The following AGR3 variants were observed in gnomAD, a reference collection of about 807,000 sequenced individuals.
AGR3 encodes anterior gradient protein 3.
In AGR3, 37 loss-of-function variants were observed where a neutral mutation model predicts 24.5. The ratio of observed to expected loss-of-function variants is 1.51; its 90% confidence interval spans 1.16 to 1.99. The LOEUF is 1.99. AGR3 is among the 30% of genes most tolerant of loss of function. AGR3 has a pLI of 0.00. For missense variants in AGR3, 228 were observed against 191.1 expected, an observed-to-expected ratio of 1.19 and a Z score of -1.14; for synonymous variants, 75 against 61.6, an observed-to-expected ratio of 1.22 and a Z score of -1.02.
At chr7:16,862,961 C>T (rs1257990051) in intron 3 of AGR3, among the ~76,000 whole-genome samples, 4 of 152,214 alleles carry the variant, frequency 2.6e-5, no homozygotes, top group Non-Finnish European at 5.9e-5. Context: ...GTCCCAGCTG[C>T]TCTGGAGGCT....
intron 2 of AGR3, among the ~76,000 whole-genome samples, chr7:16,877,061 G>A (rs892306165): frequency 2.6e-5 from 4 of 151,816 alleles, no homozygotes; most frequent in African/African-American, 9.7e-5. Context: ...TTGACTTTCT[G>A]TATATATAGA....
At chr7:16,870,837 C>A (rs1296265308) in intron 3 of AGR3, among the ~76,000 whole-genome samples, 2 of 152,056 alleles carry the variant, frequency 1.3e-5, no homozygotes, top group Admixed American at 6.6e-5. Flanking sequence ...AAGTGAGATT[C>A]TTCTGTAGAC....
At chr7:16,871,468 A>C (rs1197952510) in intron 3 of AGR3, among the ~76,000 whole-genome samples, 2 of 152,200 alleles carry the variant, frequency 1.3e-5, no homozygotes, top group African/African-American at 2.4e-5. Flanking sequence ...TACAAAATCA[A>C]CATGCAAAAC....
downstream of AGR3, among the ~76,000 whole-genome samples, chr7:16,856,802 T>C (rs993138823): frequency 2.7e-5 from 4 of 150,068 alleles, no homozygotes; most frequent in Non-Finnish European, 5.9e-5. Flanking sequence ...ATTATACACA[T>C]ACACACACAC....
chr7:16,866,438 T>C (rs952052211), intron 3 of AGR3: 24 of 260,590 alleles, frequency 9.2e-5, no homozygotes, highest in African/African-American at 4.7e-4. Flanking sequence ...CATGCTGTTG[T>C]TTTAAAAAAT....
intron 1 of AGR3, among the ~76,000 whole-genome samples, chr7:16,881,133 G>A (rs184389463): frequency 5.9e-5 from 9 of 152,264 alleles, no homozygotes; most frequent in African/African-American, 2.2e-4. Context: ...AGACAAGCAG[G>A]TGGAATCTGC....
chr7:16,868,745 T>C (rs1205301578), intron 3 of AGR3, among the ~76,000 whole-genome samples: 1 of 152,146 alleles, frequency 6.6e-6, no homozygotes, highest in African/African-American at 2.4e-5. Flanking sequence ...TGTCTGGGTA[T>C]ATAGAATGAT....
downstream of AGR3, among the ~76,000 whole-genome samples, chr7:16,858,205 G>C (rs1482457040): frequency 1.3e-5 from 2 of 151,944 alleles, no homozygotes; most frequent in Non-Finnish European, 2.9e-5. Flanking sequence ...CCAGGGGCTA[G>C]TTAGTCTCGA....
intron 3 of AGR3, among the ~76,000 whole-genome samples, chr7:16,867,260 A>C (rs1416093920): frequency 6.6e-6 from 1 of 152,174 alleles, no homozygotes; most frequent in African/African-American, 2.4e-5. Flanking sequence ...AACTTCTGAC[A>C]CTAATTATTA....
At chr7:16,864,757 C>A (rs1781720645) in intron 3 of AGR3, 3 of 1,257,516 alleles carry the variant, frequency 2.4e-6, no homozygotes, top group Non-Finnish European at 3.5e-6. Flanking sequence ...AAAACTTGAT[C>A]CTTCTCCTTG....
At position 16,859,602 on chromosome 7, in the gene AGR3, G is replaced by C. The variant is rs533057923; in HGVS notation, c.481C>G (p.Leu161Val). ...ATCTCTTATAGCTCTGACTGAATAA[G>C]TCTTAATGCTTTCTTCATGTTTTCT... ...LIENMKKALR[L>V]IQSEL Residue 161 changes from leucine (L) to valine (V), a missense_variant, in exon 8 of 8, where the codon CTT (leucine) becomes GTT (valine). Coordinates refer to ENST00000310398, the MANE Select transcript of AGR3 (RefSeq NM_176813.5). 2 of 1,553,242 alleles carry C rather than the reference G, an allele frequency of 1.3e-6. No individual in the cohort carries two copies. The highest frequency in any genetic ancestry group is 4.5e-5 in the East Asian group (2 of 43,998).
chr7:16,869,018 T>C (rs1781813705), intron 3 of AGR3, among the ~76,000 whole-genome samples: 1 of 152,244 alleles, frequency 6.6e-6, no homozygotes. Context: ...GTATCTTCTC[T>C]TGCTGTTTGA....
chr7:16,878,674 C>T, intron 1 of AGR3, 29 bp from the exon 2 acceptor site: 2 of 1,432,086 alleles, frequency 1.4e-6, no homozygotes, highest in Non-Finnish European at 2.0e-6. Flanking sequence ...TTCTCAGAAT[C>T]CAGTGAATTA....
At chr7:16,861,950 A>G (rs1187996744) in intron 5 of AGR3, 34 bp downstream of exon 5, 1 of 1,463,694 alleles carries the variant, frequency 6.8e-7, no homozygotes, top group Non-Finnish European at 9.4e-7. Context: ...CCATGAAATT[A>G]TAGTATTAAG....
intron 2 of AGR3, among the ~76,000 whole-genome samples, chr7:16,874,244 C>T (rs1438015267): frequency 6.6e-6 from 1 of 152,112 alleles, no homozygotes; most frequent in Non-Finnish European, 1.5e-5. Flanking sequence ...CAATGCCCTC[C>T]TATTTTGGGT....
At position 16,870,515 on chromosome 7, in the gene AGR3, T is replaced by C. The variant is rs749125663; in HGVS notation, c.173+3265A>G. On this transcript the variant is annotated intron_variant, in intron 3 of 7. Transcript: ENST00000310398. ...TCCCAGTAAGCATAATGTTGGTTTTTTGTTGTTGTTGCTACTGTTGGAATG... is the reference window on the plus strand; with the variant it reads ...TCCCAGTAAGCATAATGTTGGTTTTCTGTTGTTGTTGCTACTGTTGGAATG... 2.0e-5 allele frequency among the ~76,000 whole-genome samples: 3 copies of C among 152,098 alleles called. No homozygotes were observed. The East Asian group carries it at 5.8e-4, about 29-fold the overall frequency.
At chr7:16,861,812 A>G (rs1457961785) in intron 5 of AGR3, among the ~76,000 whole-genome samples, 172 bp downstream of exon 5, 1 of 151,854 alleles carries the variant, frequency 6.6e-6, no homozygotes, top group African/African-American at 2.4e-5. Context: ...GAGACAGGAG[A>G]ACTGCTTGAA....
intron 1 of AGR3, among the ~76,000 whole-genome samples, chr7:16,880,280 C>T (rs1182356988): frequency 6.6e-5 from 10 of 151,540 alleles, no homozygotes; most frequent in Admixed American, 6.6e-4. Flanking sequence ...CCTGCCTCAG[C>T]TTCCCAAGTA....
downstream of AGR3, among the ~76,000 whole-genome samples, chr7:16,858,940 G>A (rs1781588975): frequency 6.6e-6 from 1 of 152,170 alleles, no homozygotes; most frequent in African/African-American, 2.4e-5. Flanking sequence ...ATGTCTAAGT[G>A]TAAAGTAAGA....
Sources: allele counts gnomAD v4.1 joint callset (sites outside exome capture counted in the v4.1 genomes callset), GRCh38; gene constraint gnomAD v4.1.1; transcripts MANE v1.5; gene names NCBI Gene and HGNC (gene_info 2026-07-23, HGNC 2026-07-21).